COBLL1: variants seen among roughly 807,000 people sequenced by gnomAD.
COBLL1 encodes cordon-bleu protein-like 1.
In COBLL1, 50 loss-of-function variants were observed where a neutral mutation model predicts 94.8. The observed-to-expected ratio is 0.53, with a 90% confidence interval of 0.42 to 0.67. The LOEUF is 0.67. Ranked by LOEUF, COBLL1 falls within the 30% of genes least tolerant of loss-of-function variation. The probability of loss-of-function intolerance (pLI) is 0.00; values close to 1 mark genes in which losing one functional copy is unlikely to be tolerated. For missense variants in COBLL1, 1,362 were observed against 1,348.7 expected (o/e 1.01, Z -0.15); for synonymous variants, 448 against 473.8 (o/e 0.95, Z 0.71).
At chr2:164,800,439 A>G (rs1451545563) in intron 2 of COBLL1, 2 of 646,300 alleles carry the variant, frequency 3.1e-6, no homozygotes, top group Non-Finnish European at 5.5e-6. Flanking sequence ...GAGGATGCAG[A>G]TCAAATAAAA....
At chr2:164,831,541 T>C (rs1457235045) in intron 2 of COBLL1, among the ~76,000 whole-genome samples, 2 of 151,990 alleles carry the variant, frequency 1.3e-5, no homozygotes, top group East Asian at 3.9e-4. Flanking sequence ...AAAAATATTT[T>C]TTTTTGCTTT....
intron 13 of COBLL1, among the ~76,000 whole-genome samples, chr2:164,688,638 A>G (rs1683431000): frequency 6.6e-6 from 1 of 152,180 alleles, no homozygotes; most frequent in South Asian, 2.1e-4. Context: ...AACAATTTCT[A>G]TCATTTACAT....
intron 1 of COBLL1, among the ~76,000 whole-genome samples, chr2:164,672,999 T>A (rs1691270735): frequency 6.6e-6 from 1 of 152,290 alleles, no homozygotes; most frequent in Admixed American, 6.5e-5. Context: ...TAAAACTGAT[T>A]CTAGCAAAAA....
chr2:164,665,330 C>CAA (rs11441643), intron 2 of COBLL1, among the ~76,000 whole-genome samples: 5,336 of 121,510 alleles, frequency 0.044, 229 homozygotes, highest in Non-Finnish European at 0.047. Flanking sequence ...GATTCTGTGT[C>CAA]AAAAAAAAAA....
chr2:164,770,718 C>A (rs1688164106), intron 2 of COBLL1, among the ~76,000 whole-genome samples: 1 of 152,032 alleles, frequency 6.6e-6, no homozygotes, highest in Non-Finnish European at 1.5e-5. Flanking sequence ...ACAAACTTTC[C>A]CTGAGGAAAT....
chr2:164,720,086 CACT>C (rs1685369188), intron 7 of COBLL1, among the ~76,000 whole-genome samples: 1 of 152,054 alleles, frequency 6.6e-6, no homozygotes, highest in African/African-American at 2.4e-5. Context: ...TTTTTGTGTG[CACT>C]ACAGCTTTAT....
chr2:164,756,925 A>G (rs1687439938), intron 2 of COBLL1, among the ~76,000 whole-genome samples: 1 of 152,202 alleles, frequency 6.6e-6, no homozygotes, highest in Admixed American at 6.5e-5. Flanking sequence ...CAAAACTGGA[A>G]TAACACTTCC....
downstream of COBLL1, among the ~76,000 whole-genome samples, chr2:164,677,218 C>T (rs1170839413): frequency 1.3e-5 from 2 of 152,090 alleles, no homozygotes; most frequent in African/African-American, 4.8e-5. Context: ...TTTATCTGTG[C>T]CCATCGGAAC....
Position 164,702,970 on chromosome 2 carries a change from G to C in COBLL1, c.1225+1474C>G. ...ACTCTACACCCAGATAAAATTTCAA[G>C]TGAAAAAGGGGAAACTTCTCTTTCT... On this transcript the variant is annotated intron_variant, in intron 9 of 13. Coordinates refer to ENST00000652658, the MANE Select transcript of COBLL1 (RefSeq NM_001365672.2). The C allele has an allele frequency of 1.7e-5, 11 of 636,948 alleles. No individual in the cohort carries two copies. The South Asian group carries it at 2.2e-4, about 13-fold the overall frequency. The allele number at this position is 636,948 out of a possible 1,614,324, so 39.5% of individuals were successfully genotyped here. A position where few individuals can be genotyped will look rare whatever the true frequency, so the allele number is the denominator to read the frequency against.
At chr2:164,809,868 T>C (rs1252816940) in intron 2 of COBLL1, among the ~76,000 whole-genome samples, 1 of 151,804 alleles carries the variant, frequency 6.6e-6, no homozygotes, top group Non-Finnish European at 1.5e-5. Flanking sequence ...GAATTTTATA[T>C]ATAAAGAACC....
downstream of COBLL1, among the ~76,000 whole-genome samples, chr2:164,679,567 AT>A (rs1358048446): frequency 2.0e-5 from 3 of 152,112 alleles, no homozygotes; most frequent in African/African-American, 7.2e-5. Context: ...TCTGAACTTC[AT>A]GAGTAAAATG....
intron 3 of COBLL1, 31 bp downstream of exon 3, chr2:164,743,656 A>AGGT: frequency 6.5e-7 from 1 of 1,532,678 alleles, no homozygotes; most frequent in Non-Finnish European, 9.0e-7. Flanking sequence ...TAAGAAGGGG[A>AGGT]GGTCCTGATA....
intron 2 of COBLL1, among the ~76,000 whole-genome samples, chr2:164,800,892 G>T (rs1474553474): frequency 6.6e-6 from 1 of 152,200 alleles, no homozygotes; most frequent in Non-Finnish European, 1.5e-5. Flanking sequence ...AGGTGTTATT[G>T]ATAGGGACGG....
intron 9 of COBLL1, among the ~76,000 whole-genome samples, chr2:164,702,591 A>AATG (rs1164766841): frequency 3.3e-5 from 5 of 150,232 alleles, no homozygotes; most frequent in Admixed American, 2.0e-4. Context: ...TAATAATAAT[A>AATG]ATTTGAAAAC....
downstream of COBLL1, among the ~76,000 whole-genome samples, chr2:164,678,059 A>G (rs1490837649): frequency 6.6e-6 from 1 of 152,178 alleles, no homozygotes; most frequent in East Asian, 1.9e-4. Flanking sequence ...TAGACACATT[A>G]ACTCTTCTGT....
At chr2:164,832,880 C>T (rs1220207643) in intron 2 of COBLL1, among the ~76,000 whole-genome samples, 1 of 151,820 alleles carries the variant, frequency 6.6e-6, no homozygotes, top group Non-Finnish European at 1.5e-5. Context: ...CCCGTCTCTA[C>T]TAAAAATACA....
chr2:164,730,270 G>C (rs1481593546), intron 3 of COBLL1, among the ~76,000 whole-genome samples, 155 bp from the exon 4 acceptor site: 3 of 151,912 alleles, frequency 2.0e-5, no homozygotes, highest in Admixed American at 2.0e-4. Flanking sequence ...CAGGAGGACT[G>C]CTTGAGCCCA....
At chr2:164,692,610 C>T in intron 12 of COBLL1, 1 of 430,666 alleles carries the variant, frequency 2.3e-6, no homozygotes, top group South Asian at 4.1e-5. Flanking sequence ...ACTCAGGAAG[C>T]CAAAGAAGAA....
At chr2:164,823,124 T>C (rs2105366169) in intron 2 of COBLL1, among the ~76,000 whole-genome samples, 1 of 152,314 alleles carries the variant, frequency 6.6e-6, no homozygotes, top group South Asian at 2.1e-4. Context: ...GAGAGTATTG[T>C]TTACACTGCC....
Sources: gnomAD v4.1 joint callset for allele counts (sites outside exome capture counted in the v4.1 genomes callset) on GRCh38, gnomAD v4.1.1 for gene constraint, MANE v1.5 for transcripts, NCBI Gene and HGNC (gene_info 2026-07-23, HGNC 2026-07-21) for gene names.